The following GPATCH2L variants were observed in gnomAD, a reference collection of about 807,000 sequenced individuals.
The protein encoded by GPATCH2L is G-patch domain containing 2 like.
GPATCH2L carries 31 observed loss-of-function variants against 57.4 expected under a neutral mutation model. The observed-to-expected ratio is 0.54, with a 90% CI of 0.41 to 0.73. The LOEUF (loss-of-function observed/expected upper bound fraction) is 0.73, where lower values mean the gene tolerates loss of function less well. Among genes scored for constraint, GPATCH2L ranks in the 30% least tolerant of loss-of-function variants. The pLI, the probability that GPATCH2L is intolerant of heterozygous loss-of-function variation, is 0.00. For synonymous variants in GPATCH2L, 199 were observed against 210.7 expected, an observed-to-expected ratio of 0.94 and a Z score of 0.48; for missense variants, 481 against 599.9, an observed-to-expected ratio of 0.80 and a Z score of 2.07.
At chr14:76,229,522 C>T (rs1035175799) in intron 1 of GPATCH2L, among the ~76,000 whole-genome samples, 8 of 152,132 alleles carry the variant, frequency 5.3e-5, no homozygotes, top group African/African-American at 1.7e-4. Flanking sequence ...GTGTTTTTCT[C>T]GCATTAGTCC....
chr14:76,188,373 C>T (rs953487770), intron 8 of GPATCH2L, among the ~76,000 whole-genome samples: 2 of 152,008 alleles, frequency 1.3e-5, no homozygotes, highest in African/African-American at 4.8e-5. Context: ...ACATCCTCAC[C>T]AGCATTATTA....
At chr14:76,218,738 GAGT>G (rs1193644088), downstream of GPATCH2L, among the ~76,000 whole-genome samples, 1 of 119,020 alleles carries the variant, frequency 8.4e-6, no homozygotes, top group African/African-American at 3.2e-5. Context: ...AATTAAAACA[GAGT>G]AGTAATAATT....
rs1401089297 is a variant in GPATCH2L at position 76,213,964 on chromosome 14, C to T, written c.*12113C>T. ...TTTCTGTTCCACTGGTCTACTTGTGCATGGTACCACACTGTTTTAATTATA... is the reference window on the plus strand; with the variant it reads ...TTTCTGTTCCACTGGTCTACTTGTGTATGGTACCACACTGTTTTAATTATA... On this transcript the variant is annotated 3_prime_UTR_variant, in exon 10 of 10. Coordinates refer to ENST00000261530, the MANE Select transcript of GPATCH2L (RefSeq NM_017926.4). The T allele has an allele frequency of 6.6e-6, 1 of 152,148 alleles. No individual in the cohort carries two copies. The highest frequency in any genetic ancestry group is 2.4e-5 in the African/African-American group (1 of 41,436). The allele number at this position is 152,148 out of a possible 1,614,324, so 9.4% of individuals were successfully genotyped here. A position where few individuals can be genotyped will look rare whatever the true frequency, so the allele number is the denominator to read the frequency against.
At chr14:76,182,978 T>C (rs998138580) in intron 8 of GPATCH2L, among the ~76,000 whole-genome samples, 20 of 152,202 alleles carry the variant, frequency 1.3e-4, no homozygotes, top group African/African-American at 4.8e-4. Context: ...GTGTATACTG[T>C]TTGGGAAAAT....
chr14:76,176,265 G>C (rs1433006710), intron 5 of GPATCH2L: 1 of 176,076 alleles, frequency 5.7e-6, no homozygotes, highest in Admixed American at 6.1e-5. Flanking sequence ...TGGTGTGTTG[G>C]CCTGTTAAAA....
chr14:76,197,580 C>T (rs1050004725), intron 9 of GPATCH2L, among the ~76,000 whole-genome samples: 1 of 152,134 alleles, frequency 6.6e-6, no homozygotes, highest in Non-Finnish European at 1.5e-5. Flanking sequence ...AGGTGAAGGA[C>T]ATAGCCTGAG....
chr14:76,181,899 G>T (rs1488312658), intron 8 of GPATCH2L, among the ~76,000 whole-genome samples: 1 of 152,104 alleles, frequency 6.6e-6, no homozygotes, highest in Non-Finnish European at 1.5e-5. Context: ...TTGAGGTTCA[G>T]GCTGCACAAA....
rs66602777 is a variant in GPATCH2L at position 76,182,585 on chromosome 14, C to CA, written c.1193+1757dup. Reference sequence around the variant, plus strand: ...TGGATGACAGAGTGAGACCCTGTCTCAAAAAAAAAAAAAAAAAAAAAGAAA... The same window carrying CA: ...TGGATGACAGAGTGAGACCCTGTCTCAAAAAAAAAAAAAAAAAAAAAAGAAA... On this transcript the variant is annotated intron_variant, in intron 8 of 9. Transcript: ENST00000261530. Among the ~76,000 whole-genome samples, 672 of 84,724 alleles carry CA rather than the reference C, an allele frequency of 7.9e-3. 8 individuals are homozygous for CA. Among genetic ancestry groups the CA allele is most frequent in the African/African-American group, 0.024 (519 of 21,702 alleles). The allele number at this position is 84,724 out of a possible 152,430, so 55.6% of individuals were successfully genotyped here. A position where few individuals can be genotyped will look rare whatever the true frequency, so the allele number is the denominator to read the frequency against.
chr14:76,215,510 C>G (rs2040483296), downstream of GPATCH2L, among the ~76,000 whole-genome samples: 1 of 151,334 alleles, frequency 6.6e-6, no homozygotes, highest in African/African-American at 2.4e-5. Context: ...AGACTTGGAA[C>G]CAACCCAAAT....
At chr14:76,220,367 C>T (rs2040509111) in intron 1 of GPATCH2L, among the ~76,000 whole-genome samples, 1 of 152,062 alleles carries the variant, frequency 6.6e-6, no homozygotes, top group Non-Finnish European at 1.5e-5. Context: ...ATACAAATAT[C>T]AGTTGAGATA....
At chr14:76,215,479 C>T (rs373060284), downstream of GPATCH2L, among the ~76,000 whole-genome samples, 68 of 151,562 alleles carry the variant, frequency 4.5e-4, no homozygotes, top group East Asian at 9.7e-4. Context: ...ATGTTTATTG[C>T]GGCATTATTC....
At chr14:76,232,764 G>A (rs1222726884) in intron 2 of GPATCH2L, among the ~76,000 whole-genome samples, 1 of 152,168 alleles carries the variant, frequency 6.6e-6, no homozygotes, top group Non-Finnish European at 1.5e-5. Flanking sequence ...CCTGGGAAGT[G>A]TCCTTTTCCC....
At chr14:76,190,063 T>G (rs2039909230) in intron 8 of GPATCH2L, among the ~76,000 whole-genome samples, 1 of 152,072 alleles carries the variant, frequency 6.6e-6, no homozygotes, top group Non-Finnish European at 1.5e-5. Flanking sequence ...GTCACTTCAG[T>G]TATTTTTTGC....
rs1024174577 is a variant in GPATCH2L, at chr14:76,210,648, T to C, written c.*8797T>C. ...AGAAAAGTCAATGAAATTTTGCAGA[T>C]CTTGCAAACCTGTGGCAATAAGAAG... is the stretch of plus-strand genomic sequence containing the variant. On this transcript the variant is annotated 3_prime_UTR_variant, in exon 10 of 10. Transcript: ENST00000261530. 4 of 152,208 alleles carry C rather than the reference T, an allele frequency of 2.6e-5. No individual in the cohort carries two copies. Among genetic ancestry groups the C allele is most frequent in the Non-Finnish European group, 4.4e-5 (3 of 68,034 alleles). The allele number at this position is 152,208 out of a possible 1,614,324, so 9.4% of individuals were successfully genotyped here. A position where few individuals can be genotyped will look rare whatever the true frequency, so the allele number is the denominator to read the frequency against.
rs2040318606 is a variant in GPATCH2L at position 76,201,924 on chromosome 14, C to T, written c.*73C>T. The T allele has an allele frequency of 7.9e-7, 1 of 1,267,394 alleles. No homozygotes were observed. The highest frequency in any genetic ancestry group is 1.5e-5 in the African/African-American group (1 of 66,202). 78.5% of individuals were successfully genotyped at this position (1,267,394 alleles called of 1,614,324 possible). A position where few individuals can be genotyped will look rare whatever the true frequency, so the allele number is the denominator to read the frequency against. On this transcript the variant is annotated 3_prime_UTR_variant, in exon 10 of 10. Coordinates refer to ENST00000261530, the MANE Select transcript of GPATCH2L (RefSeq NM_017926.4). ...AATGTTGGACTTTGTGTTAGATAGT[C>T]TTGCATATCTTAATCGACATTCCCA... is the stretch of plus-strand genomic sequence containing the variant.
intron 8 of GPATCH2L, among the ~76,000 whole-genome samples, chr14:76,189,352 A>G (rs919408197): frequency 1.4e-5 from 2 of 144,688 alleles, no homozygotes; most frequent in African/African-American, 2.7e-5. Context: ...AATATCTCTC[A>G]GTTTTTTTGG....
chr14:76,225,026 C>T (rs1385675603), intron 1 of GPATCH2L, among the ~76,000 whole-genome samples: 2 of 152,052 alleles, frequency 1.3e-5, no homozygotes, highest in African/African-American at 4.8e-5. Context: ...TTGAAAGCCT[C>T]AATATTGTAA....
chr14:76,200,295 T>G (rs1334933330), intron 9 of GPATCH2L, among the ~76,000 whole-genome samples: 1 of 152,330 alleles, frequency 6.6e-6, no homozygotes, highest in East Asian at 1.9e-4. Context: ...GCGACTGAAC[T>G]GTACAGTTAA....
At chr14:76,201,637 A>T (rs961680704) in intron 9 of GPATCH2L, 54 bp from the exon 10 acceptor site, 30 of 1,387,330 alleles carry the variant, frequency 2.2e-5, no homozygotes, top group Non-Finnish European at 2.7e-5. Flanking sequence ...AATTTGTCTT[A>T]TTCTAATTTA....
Sources: gnomAD v4.1 joint callset for allele counts (sites outside exome capture counted in the v4.1 genomes callset) on GRCh38, gnomAD v4.1.1 for gene constraint, MANE v1.5 for transcripts, NCBI Gene and HGNC (gene_info 2026-07-23, HGNC 2026-07-21) for gene names.